The following CSMD1 variants were observed in gnomAD, a reference collection of about 807,000 sequenced individuals.
CSMD1 encodes CUB and sushi domain-containing protein 1.
A neutral mutation model predicts 417.5 loss-of-function variants in CSMD1; 213 were observed. The observed-to-expected ratio is 0.51, with a 90% CI of 0.46 to 0.57. CSMD1 has a LOEUF of 0.57. Ranked by LOEUF, CSMD1 falls within the 20% of genes least tolerant of loss-of-function variation. The pLI, the probability that CSMD1 is intolerant of heterozygous loss-of-function variation, is 0.00. For synonymous variants in CSMD1, 2,862 were observed against 1,736.8 expected (o/e 1.65, Z -16.11); for missense variants, 6,923 against 4,529.7 (o/e 1.53, Z -15.17).
At chr8:4,588,800 A>G (rs1563313409) in intron 2 of CSMD1, among the ~76,000 whole-genome samples, 2 of 151,560 alleles carry the variant, frequency 1.3e-5, no homozygotes, top group Non-Finnish European at 2.9e-5. Flanking sequence ...ACACACACAC[A>G]CACACAAAAG....
intron 1 of CSMD1, among the ~76,000 whole-genome samples, chr8:4,817,042 G>C (rs572747870): frequency 1.2e-4 from 18 of 152,254 alleles, no homozygotes; most frequent in African/African-American, 3.1e-4. Flanking sequence ...TGCGTGTTAA[G>C]ATTTATAGAC....
intron 23 of CSMD1, among the ~76,000 whole-genome samples, chr8:3,310,012 C>G (rs1489669746): frequency 6.6e-6 from 1 of 152,028 alleles, no homozygotes; most frequent in East Asian, 1.9e-4. Context: ...TAAGAGACAC[C>G]AATAATTTTA....
At chr8:3,771,136 A>C (rs1798548787) in intron 5 of CSMD1, among the ~76,000 whole-genome samples, 1 of 152,128 alleles carries the variant, frequency 6.6e-6, no homozygotes, top group African/African-American at 2.4e-5. Flanking sequence ...TGAACAAAAA[A>C]TAAAACATTT....
chr8:3,706,895 T>A (rs992236053), intron 7 of CSMD1, among the ~76,000 whole-genome samples: 5 of 152,242 alleles, frequency 3.3e-5, no homozygotes, highest in South Asian at 2.1e-4. Context: ...CAGATTTTTT[T>A]CCCTTCAGTT....
intron 7 of CSMD1, among the ~76,000 whole-genome samples, chr8:3,635,243 A>G (rs1563219094): frequency 6.6e-6 from 1 of 152,022 alleles, no homozygotes; most frequent in East Asian, 2.0e-4. Flanking sequence ...TCAGAATCCT[A>G]GGTGGGTGGA....
intron 25 of CSMD1, among the ~76,000 whole-genome samples, chr8:3,302,145 A>G (rs986986836): frequency 3.3e-5 from 5 of 152,208 alleles, no homozygotes; most frequent in Non-Finnish European, 5.9e-5. Flanking sequence ...AATGATGACA[A>G]TAATGATGAA....
At chr8:4,698,951 C>T (rs1170558566) in intron 1 of CSMD1, among the ~76,000 whole-genome samples, 6 of 150,350 alleles carry the variant, frequency 4.0e-5, no homozygotes, top group African/African-American at 9.8e-5. Context: ...CCAATTTCAC[C>T]GTCGAACGAA....
chr8:3,304,985 G>T (rs1422633609), intron 25 of CSMD1, among the ~76,000 whole-genome samples: 1 of 152,070 alleles, frequency 6.6e-6, no homozygotes, highest in Non-Finnish European at 1.5e-5. Context: ...ATTGGAAGTG[G>T]TTTTTACATT....
intron 57 of CSMD1, among the ~76,000 whole-genome samples, chr8:2,968,332 T>G (rs1389098994): frequency 6.6e-6 from 1 of 152,218 alleles, no homozygotes; most frequent in Non-Finnish European, 1.5e-5. Flanking sequence ...ACACTGATGT[T>G]ATTGTTACAT....
intron 5 of CSMD1, among the ~76,000 whole-genome samples, chr8:3,834,660 G>A (rs531404624): frequency 2.6e-5 from 4 of 152,060 alleles, no homozygotes; most frequent in African/African-American, 4.8e-5. Context: ...CAAACCTGAT[G>A]GTGGTTTAGG....
At chr8:3,352,544 A>G (rs1047387156) in intron 21 of CSMD1, among the ~76,000 whole-genome samples, 10 of 152,170 alleles carry the variant, frequency 6.6e-5, no homozygotes, top group African/African-American at 2.4e-4. Context: ...TGTTCTTATT[A>G]CTATTACATC....
chr8:3,736,582 C>T (rs954832148), intron 6 of CSMD1, among the ~76,000 whole-genome samples: 2 of 152,302 alleles, frequency 1.3e-5, no homozygotes, highest in South Asian at 2.1e-4. Context: ...CTCACCATGG[C>T]TCCCAGGCCC....
At position 4,994,571 on chromosome 8, in the gene CSMD1, G is replaced by C. The variant is rs951134715; in HGVS notation, c.-155C>G. ...GCATCCGACGCCTCCTGAAGGTCTG[G>C]GCGCCCGGCTCGCTTCCCTCTCATA... On this transcript the variant is annotated 5_prime_UTR_variant, in exon 1 of 70. Transcript: ENST00000635120. 2 of 661,154 alleles carry C rather than the reference G, an allele frequency of 3.0e-6. No homozygotes were observed. Among genetic ancestry groups the C allele is most frequent in the African/African-American group, 3.6e-5 (2 of 55,656 alleles). 41.0% of individuals were successfully genotyped at this position (661,154 alleles called of 1,614,324 possible). A position where few individuals can be genotyped will look rare whatever the true frequency, so the allele number is the denominator to read the frequency against.
chr8:4,441,698 A>G (rs533641500), intron 2 of CSMD1, among the ~76,000 whole-genome samples: 2 of 152,158 alleles, frequency 1.3e-5, no homozygotes, highest in South Asian at 2.1e-4. Flanking sequence ...TCAAATACCA[A>G]TTAAAACGTT....
chr8:4,255,574 A>C (rs191818868), intron 3 of CSMD1, among the ~76,000 whole-genome samples: 35 of 152,326 alleles, frequency 2.3e-4, no homozygotes, highest in Admixed American at 7.2e-4. Context: ...AATTTTTTCT[A>C]AGACACAGAA....
chr8:4,972,260 G>A (rs1166849411), intron 1 of CSMD1, among the ~76,000 whole-genome samples: 1 of 148,708 alleles, frequency 6.7e-6, no homozygotes, highest in Non-Finnish European at 1.5e-5. Flanking sequence ...ATGGGACACT[G>A]ATATTGTTTT....
intron 5 of CSMD1, among the ~76,000 whole-genome samples, chr8:3,870,777 G>A (rs891809236): frequency 4.6e-5 from 7 of 152,058 alleles, no homozygotes; most frequent in Admixed American, 3.3e-4. Context: ...ATTAATTAGA[G>A]CTACTCAGGA....
At chr8:4,595,587 A>G (rs1356465804) in intron 2 of CSMD1, among the ~76,000 whole-genome samples, 1 of 152,014 alleles carries the variant, frequency 6.6e-6, no homozygotes, top group Non-Finnish European at 1.5e-5. Flanking sequence ...TTCCTAAACA[A>G]TGTCCCTTTC....
intron 12 of CSMD1, among the ~76,000 whole-genome samples, chr8:3,465,286 G>C (rs1018936825): frequency 6.6e-6 from 1 of 152,078 alleles, no homozygotes; most frequent in Non-Finnish European, 1.5e-5. Context: ...CTCCTAAAAG[G>C]GTCCATTAAC....
Sources: allele counts gnomAD v4.1 joint callset (sites outside exome capture counted in the v4.1 genomes callset), GRCh38; gene constraint gnomAD v4.1.1; transcripts MANE v1.5; gene names NCBI Gene and HGNC (gene_info 2026-07-23, HGNC 2026-07-21).